The following GAB2 variants were observed in gnomAD, a reference collection of about 807,000 sequenced individuals.
GAB2 encodes GRB2 associated binding protein 2.
A neutral mutation model predicts 65.5 loss-of-function variants in GAB2; 26 were observed. That is an observed-to-expected ratio of 0.40 (90% confidence interval 0.29 to 0.55). The LOEUF is 0.55. Ranked by LOEUF, GAB2 falls within the 20% of genes least tolerant of loss-of-function variation. GAB2 has a pLI of 0.53. For missense variants in GAB2, 884 were observed against 875.8 expected, an observed-to-expected ratio of 1.01 and a Z score of -0.12; for synonymous variants, 321 against 329.6, an observed-to-expected ratio of 0.97 and a Z score of 0.28.
Position 78,226,375 on chromosome 11 carries a change from C to T in GAB2, c.1207+90G>A, listed in dbSNP as rs145498079. 7.1e-4 allele frequency: 738 copies of T among 1,037,200 alleles called. 4 individuals are homozygous for T. The African/African-American group carries it at 8.3e-3, about 12-fold the overall frequency. 64.2% of individuals were successfully genotyped at this position (1,037,200 alleles called of 1,614,324 possible). A position where few individuals can be genotyped will look rare whatever the true frequency, so the allele number is the denominator to read the frequency against. The stretch of plus-strand genomic sequence containing the variant: ...ACCTAGGTGGTTCGTAAGTTCCCCT[C>T]GGCCATGGATGACCAAGGACCATCA... On this transcript the variant is annotated intron_variant, in intron 4 of 9. Transcript: ENST00000361507.
rs1262623119 is a variant in GAB2 at position 78,215,478 on chromosome 11, T to TAATAACTTAAGTGA, written c.*3780_*3793dup. 6.6e-6 allele frequency: 1 copy of TAATAACTTAAGTGA among 152,538 alleles called. No individual in the cohort carries two copies. Among genetic ancestry groups the TAATAACTTAAGTGA allele is most frequent in the African/African-American group, 2.4e-5 (1 of 41,394 alleles). 9.4% of individuals were successfully genotyped at this position (152,538 alleles called of 1,614,324 possible). ...AAAAAAAGAATACAACAGAATAAATTAATAACTTAAGTGATTAGGCACCAA... is the reference window on the plus strand; with the variant it reads ...AAAAAAAGAATACAACAGAATAAATTAATAACTTAAGTGAAATAACTTAAGTGATTAGGCACCAA... On this transcript the variant is annotated 3_prime_UTR_variant, in exon 10 of 10. Transcript: ENST00000361507.
At chr11:78,245,431 C>G (rs1047521869) in intron 3 of GAB2, among the ~76,000 whole-genome samples, 5 of 152,108 alleles carry the variant, frequency 3.3e-5, no homozygotes, top group Non-Finnish European at 7.3e-5. Flanking sequence ...GAATGGTATC[C>G]TTTAAATGCT....
rs1307039869 is a variant in GAB2 at position 78,216,317 on chromosome 11, T to C, written c.*2955A>G. The stretch of plus-strand genomic sequence containing the variant: ...TGTGAAGCAGTGCTGAGTGGGAAGG[T>C]ATCCCCTTTCCGTAGGCTCAGTCCT... On this transcript the variant is annotated 3_prime_UTR_variant, in exon 10 of 10. Coordinates refer to ENST00000361507, the MANE Select transcript of GAB2 (RefSeq NM_080491.3). 2 of 152,122 alleles carry C rather than the reference T, an allele frequency of 1.3e-5. No individual in the cohort carries two copies. The allele number at this position is 152,122 out of a possible 1,614,324, so 9.4% of individuals were successfully genotyped here. A position where few individuals can be genotyped will look rare whatever the true frequency, so the allele number is the denominator to read the frequency against.
At chr11:78,292,105 G>A (rs7939352) in intron 1 of GAB2, among the ~76,000 whole-genome samples, 40,836 of 151,700 alleles carry the variant, frequency 0.27, 6,606 homozygotes, top group African/African-American at 0.44. Context: ...AGATACAACT[G>A]TTATGTTCTT....
At chr11:78,227,136 A>G (rs1357254870) in intron 3 of GAB2, 85 bp from the exon 4 acceptor site, 1 of 930,670 alleles carries the variant, frequency 1.1e-6, no homozygotes, top group Non-Finnish European at 1.7e-6. Context: ...CTCTTTCTAT[A>G]CTTTGGTTTA....
chr11:78,299,781 T>A (rs1295165402), intron 1 of GAB2, among the ~76,000 whole-genome samples: 1 of 152,222 alleles, frequency 6.6e-6, no homozygotes, highest in East Asian at 1.9e-4. Flanking sequence ...GTCCAGCTGC[T>A]TGAAGTATTG....
intron 1 of GAB2, among the ~76,000 whole-genome samples, chr11:78,312,650 A>T (rs1223363661): frequency 6.6e-6 from 1 of 152,130 alleles, no homozygotes; most frequent in African/African-American, 2.4e-5. Context: ...ACTGGTCATG[A>T]ACTCCTGACC....
chr11:78,414,909 T>C (rs1857174970), intron 1 of GAB2, among the ~76,000 whole-genome samples: 1 of 152,234 alleles, frequency 6.6e-6, no homozygotes, highest in Non-Finnish European at 1.5e-5. Context: ...TCTCGTTTTG[T>C]CACCCAGGCT....
chr11:78,264,474 C>T (rs568904517), intron 2 of GAB2, among the ~76,000 whole-genome samples: 2 of 151,878 alleles, frequency 1.3e-5, no homozygotes, highest in African/African-American at 4.8e-5. Context: ...GATCTCAGCT[C>T]GCTGCAGCCT....
intron 3 of GAB2, among the ~76,000 whole-genome samples, chr11:78,245,649 T>G (rs2134513636): frequency 6.6e-6 from 1 of 152,340 alleles, no homozygotes; most frequent in East Asian, 1.9e-4. Context: ...GTTTGAGTTT[T>G]GCTTCTAACA....
At chr11:78,403,242 A>T (rs1196979251) in intron 1 of GAB2, among the ~76,000 whole-genome samples, 1 of 152,266 alleles carries the variant, frequency 6.6e-6, no homozygotes, top group African/African-American at 2.4e-5. Flanking sequence ...CGAAGTTTAA[A>T]TTTTTAAAAA....
chr11:78,220,981 TAGCTCCTCC>T (rs1864394667), intron 8 of GAB2, among the ~76,000 whole-genome samples: 1 of 152,196 alleles, frequency 6.6e-6, no homozygotes, highest in South Asian at 2.1e-4. Flanking sequence ...CTCCCCCGCC[TAGCTCCTCC>T]AAGATCTGAA....
At chr11:78,231,847 T>A (rs897842356) in intron 3 of GAB2, 4 of 152,244 alleles carry the variant, frequency 2.6e-5, no homozygotes, top group Non-Finnish European at 4.4e-5. Context: ...TAAGGGTGAC[T>A]TAATATAAAA....
At chr11:78,415,043 T>C (rs1258787813) in intron 1 of GAB2, among the ~76,000 whole-genome samples, 2 of 152,130 alleles carry the variant, frequency 1.3e-5, no homozygotes, top group Non-Finnish European at 2.9e-5. Context: ...AGCTAATTTT[T>C]ATATTTATGG....
chr11:78,344,730 T>C (rs1856152834), intron 1 of GAB2, among the ~76,000 whole-genome samples: 1 of 152,242 alleles, frequency 6.6e-6, no homozygotes, highest in Admixed American at 6.5e-5. Context: ...AATTCCTTCA[T>C]CTTACTTGTT....
Position 78,226,721 on chromosome 11 carries a change from C to T in GAB2, c.951G>A (p.Pro317=), listed in dbSNP as rs140958634. The T allele has an allele frequency of 1.9e-4, 310 of 1,613,854 alleles. 1 individual carries two copies. The Middle Eastern group carries it at 2.1e-3, about 11-fold the overall frequency. ...GDLLVDNMDV[P]ATPLSAYQIP... is the part of the protein sequence containing the mutation. Reference sequence around the variant, plus strand: ...TCTGGTAGGCTGAGAGTGGGGTGGCCGGAACATCCATATTGTCTACCAGGA... The same window carrying T: ...TCTGGTAGGCTGAGAGTGGGGTGGCTGGAACATCCATATTGTCTACCAGGA... Residue 317 remains proline, a synonymous_variant, in exon 4 of 10, where the codon CCG becomes CCA. Coordinates refer to ENST00000361507, the MANE Select transcript of GAB2 (RefSeq NM_080491.3).
At chr11:78,416,904 G>A (rs1368912445) in intron 1 of GAB2, among the ~76,000 whole-genome samples, 1 of 152,054 alleles carries the variant, frequency 6.6e-6, no homozygotes, top group Admixed American at 6.5e-5. Context: ...AACACTGTCG[G>A]TTGGCAACAC....
At chr11:78,376,211 T>G (rs908434856) in intron 1 of GAB2, among the ~76,000 whole-genome samples, 5 of 152,204 alleles carry the variant, frequency 3.3e-5, no homozygotes, top group Non-Finnish European at 7.3e-5. Flanking sequence ...GCTAAGTACC[T>G]ACATCCCAGA....
chr11:78,369,820 G>A (rs1024313863), intron 1 of GAB2, among the ~76,000 whole-genome samples: 19 of 152,168 alleles, frequency 1.2e-4, no homozygotes, highest in African/African-American at 4.6e-4. Flanking sequence ...TGAGCTTCAT[G>A]AGCGCCCCCA....
Sources: gnomAD v4.1 joint callset for allele counts (sites outside exome capture counted in the v4.1 genomes callset) on GRCh38, gnomAD v4.1.1 for gene constraint, MANE v1.5 for transcripts, NCBI Gene and HGNC (gene_info 2026-07-23, HGNC 2026-07-21) for gene names.